Variants in DEFB1 observed in about 807,000 individuals in gnomAD.
The protein encoded by DEFB1 is beta-defensin 1.
A neutral mutation model predicts 2.6 loss-of-function variants in DEFB1; 4 were observed. The observed-to-expected ratio is 1.53, with a 90% CI of 0.76 to 3.51. DEFB1 has a LOEUF of 3.51. Ranked by LOEUF, DEFB1 falls within the 30% of genes most tolerant of loss-of-function variation. The probability of loss-of-function intolerance (pLI) is 0.01; values close to 1 mark genes in which losing one functional copy is unlikely to be tolerated. For synonymous variants in DEFB1, 56 were observed against 28.5 expected, an observed-to-expected ratio of 1.96 and a Z score of -3.07; for missense variants, 162 against 76.9, an observed-to-expected ratio of 2.11 and a Z score of -4.14.
rs766660728 is a variant in DEFB1, at chr8:6,870,649, C to T, written c.*32G>A. 4.4e-6 allele frequency: 7 copies of T among 1,600,888 alleles called. No individual in the cohort carries two copies. Among genetic ancestry groups the T allele is most frequent in the South Asian group, 2.3e-5 (2 of 88,270 alleles). On this transcript the variant is annotated 3_prime_UTR_variant, in exon 2 of 2. Transcript: ENST00000297439. ...GAATGCTTATAAAAAGTTCATTTCACTTCTGCGTCATTTCTTCTGGTCACT... is the reference window on the plus strand; with the variant it reads ...GAATGCTTATAAAAAGTTCATTTCATTTCTGCGTCATTTCTTCTGGTCACT...
chr8:6,877,866 G>A lies in DEFB1; in HGVS notation c.-9C>T, dbSNP rs760617627. On this transcript the variant is annotated 5_prime_UTR_variant, in exon 1 of 2. Coordinates refer to ENST00000297439, the MANE Select transcript of DEFB1 (RefSeq NM_005218.4). ...AGGTAGGAAGTTCTCATGGCGACTG[G>A]CAGGCAACACCCAGGATTTCAGGAA... The A allele has an allele frequency of 1.2e-6, 2 of 1,613,766 alleles. No homozygotes were observed. Among genetic ancestry groups the A allele is most frequent in the Non-Finnish European group, 8.5e-7 (1 of 1,179,740 alleles).
chr8:6,871,923 A>G (rs1368948915), intron 1 of DEFB1, among the ~76,000 whole-genome samples: 2 of 152,174 alleles, frequency 1.3e-5, no homozygotes, highest in Non-Finnish European at 2.9e-5. Context: ...GCCTGAGCGG[A>G]CTAATACAAG....
chr8:6,870,654 G>C lies in DEFB1; in HGVS notation c.*27C>G. 6.2e-7 allele frequency: 1 copy of C among 1,600,936 alleles called. No homozygotes were observed. Among genetic ancestry groups the C allele is most frequent in the Non-Finnish European group, 8.5e-7 (1 of 1,175,962 alleles). ...CTTATAAAAAGTTCATTTCACTTCT[G>C]CGTCATTTCTTCTGGTCACTCCCAG... is the stretch of plus-strand genomic sequence containing the variant. On this transcript the variant is annotated 3_prime_UTR_variant, in exon 2 of 2. Transcript: ENST00000297439.
chr8:6,874,523 T>C (rs569730463), intron 1 of DEFB1, among the ~76,000 whole-genome samples: 1 of 152,210 alleles, frequency 6.6e-6, no homozygotes, highest in Non-Finnish European at 1.5e-5. Context: ...ATTTCAAGAC[T>C]AAGTGTAGAG....
intron 1 of DEFB1, among the ~76,000 whole-genome samples, chr8:6,873,283 C>G (rs1178714902): frequency 6.6e-6 from 1 of 152,208 alleles, no homozygotes; most frequent in Non-Finnish European, 1.5e-5. Context: ...GTTCTCATTC[C>G]ACTTCACCAC....
At chr8:6,871,237 C>G (rs1032349431) in intron 1 of DEFB1, among the ~76,000 whole-genome samples, 2 of 152,232 alleles carry the variant, frequency 1.3e-5, no homozygotes, top group African/African-American at 4.8e-5. Context: ...CCTTCCATGC[C>G]TTCAGTTACG....
chr8:6,873,069 A>G (rs995800656), intron 1 of DEFB1, among the ~76,000 whole-genome samples: 5 of 152,234 alleles, frequency 3.3e-5, no homozygotes, highest in African/African-American at 9.7e-5. Context: ...GGTTGGGTGT[A>G]TATATGCTGA....
At chr8:6,875,987 A>G (rs565139305) in intron 1 of DEFB1, among the ~76,000 whole-genome samples, 1 of 152,322 alleles carries the variant, frequency 6.6e-6, no homozygotes, top group Admixed American at 6.5e-5. Flanking sequence ...TAGATATAAT[A>G]GACTGAAAAC....
chr8:6,877,786 C>G lies in DEFB1; in HGVS notation c.61+11G>C, dbSNP rs372143710. 107 of 1,612,658 alleles carry G rather than the reference C, an allele frequency of 6.6e-5. No individual in the cohort carries two copies. The African/African-American group carries it at 1.3e-3, about 19-fold the overall frequency. On this transcript the variant is annotated intron_variant, in intron 1 of 1. Coordinates refer to ENST00000297439, the MANE Select transcript of DEFB1 (RefSeq NM_005218.4). ...TGGGGATGGGAAACTCTTGCAGGTA[C>G]CAGAGCTTACCTGAGGCCATCTCAG...
intron 1 of DEFB1, among the ~76,000 whole-genome samples, chr8:6,877,380 C>G (rs1806570956): frequency 6.6e-6 from 1 of 152,338 alleles, no homozygotes; most frequent in Middle Eastern, 3.4e-3. Flanking sequence ...GCGGCAGCAC[C>G]TCACCTGTAC....
chr8:6,872,747 T>G (rs937420239), intron 1 of DEFB1, among the ~76,000 whole-genome samples: 1 of 152,174 alleles, frequency 6.6e-6, no homozygotes, highest in Non-Finnish European at 1.5e-5. Flanking sequence ...TCTGACTGAT[T>G]CCTAATGAGG....
rs186073325 is a variant in DEFB1 at position 6,877,553 on chromosome 8, A to T, written c.61+244T>A. Among the ~76,000 whole-genome samples the T allele has an allele frequency of 2.7e-3, 415 of 152,346 alleles. 1 individual carries two copies. The highest frequency in any genetic ancestry group is 2.6e-3 in the Non-Finnish European group (180 of 68,032). On this transcript the variant is annotated intron_variant, in intron 1 of 1. Transcript: ENST00000297439. The stretch of plus-strand genomic sequence containing the variant: ...GTCTACATGTCCAGGACAAGGATGC[A>T]GGCAGCTGCCTGTGACAAGCGCCAT...
intron 1 of DEFB1, 96 bp from the exon 2 acceptor site, chr8:6,870,922 C>G: frequency 3.0e-6 from 4 of 1,336,616 alleles, no homozygotes; most frequent in East Asian, 2.4e-5. Context: ...CTGCAAAACA[C>G]CGGAGAGTCT....
Position 6,870,672 on chromosome 8 carries a change from A to G in DEFB1, c.*9T>C, listed in dbSNP as rs1292497877. On this transcript the variant is annotated 3_prime_UTR_variant, in exon 2 of 2. Coordinates refer to ENST00000297439, the MANE Select transcript of DEFB1 (RefSeq NM_005218.4). ...CACTTCTGCGTCATTTCTTCTGGTC[A>G]CTCCCAGCTCACTTGCAGCACTTGG... The G allele has an allele frequency of 5.0e-6, 8 of 1,606,566 alleles. No homozygotes were observed. The highest frequency in any genetic ancestry group is 6.8e-6 in the Non-Finnish European group (8 of 1,178,228).
Position 6,877,747 on chromosome 8 carries a change from A to G in DEFB1, c.61+50T>C, listed in dbSNP as rs368437938. On this transcript the variant is annotated intron_variant, in intron 1 of 1. Transcript: ENST00000297439. ...GCCATCCGAGACTCACATCAGCCCC[A>G]TTGTCCCCAGCCCTGGGGATGGGAA... is the stretch of plus-strand genomic sequence containing the variant. The G allele has an allele frequency of 1.8e-5, 27 of 1,534,140 alleles. No individual in the cohort carries two copies. The Admixed American group carries it at 2.2e-4, about 12-fold the overall frequency.
At chr8:6,871,921 G>A (rs4240684) in intron 1 of DEFB1, among the ~76,000 whole-genome samples, 25,094 of 152,058 alleles carry the variant, frequency 0.17, 2,408 homozygotes, top group Admixed American at 0.23. Flanking sequence ...TAGCCTGAGC[G>A]GACTAATACA....
intron 1 of DEFB1, among the ~76,000 whole-genome samples, chr8:6,871,830 G>A (rs1035201969): frequency 6.6e-6 from 1 of 152,184 alleles, no homozygotes; most frequent in Admixed American, 6.5e-5. Context: ...CAGACTTCCT[G>A]CCTCCAGGAC....
chr8:6,870,613 C>G lies in DEFB1; in HGVS notation c.*68G>C. 1.9e-6 allele frequency: 3 copies of G among 1,566,518 alleles called. No individual in the cohort carries two copies. Among genetic ancestry groups the G allele is most frequent in the South Asian group, 1.2e-5 (1 of 81,732 alleles). ...GAGGTATACTTCAAAAGCAATTTTCCTTTATTAAAAGAATGCTTATAAAAA... is the reference window on the plus strand; with the variant it reads ...GAGGTATACTTCAAAAGCAATTTTCGTTTATTAAAAGAATGCTTATAAAAA... On this transcript the variant is annotated 3_prime_UTR_variant, in exon 2 of 2. Coordinates refer to ENST00000297439, the MANE Select transcript of DEFB1 (RefSeq NM_005218.4).
chr8:6,871,669 C>G (rs953497917), intron 1 of DEFB1, among the ~76,000 whole-genome samples: 1 of 152,140 alleles, frequency 6.6e-6, no homozygotes, highest in Admixed American at 6.5e-5. Context: ...TTGGGGTGTG[C>G]TCTGATCCAT....
Sources: gnomAD v4.1 joint callset for allele counts (sites outside exome capture counted in the v4.1 genomes callset) on GRCh38, gnomAD v4.1.1 for gene constraint, MANE v1.5 for transcripts, NCBI Gene and HGNC (gene_info 2026-07-23, HGNC 2026-07-21) for gene names.